Variants in PID1 observed in about 807,000 individuals in gnomAD.
The protein encoded by PID1 is PTB-containing, cubilin and LRP1-interacting protein.
In PID1, 10 loss-of-function variants were observed where a neutral mutation model predicts 19.1. The observed-to-expected ratio is 0.52, with a 90% confidence interval of 0.32 to 0.89. The LOEUF (loss-of-function observed/expected upper bound fraction) is 0.89. Ranked by LOEUF, PID1 falls within the 40% of genes least tolerant of loss-of-function variation. PID1 has a pLI of 0.03. For synonymous variants in PID1, 130 were observed against 116.0 expected, an observed-to-expected ratio of 1.12 and a Z score of -0.78; for missense variants, 248 against 285.3, an observed-to-expected ratio of 0.87 and a Z score of 0.94.
In PID1 at chr2:229,197,713, T is replaced by C. The variant is rs79260148; in HGVS notation, c.31-41749A>G. ...TAAACCCTAACTGAGGTCAAAGCAA[T>C]ATAATCCCTCTTGCTTTTATTTCTG... On this transcript the variant is annotated intron_variant, in intron 1 of 2. Transcript: ENST00000392055. 3.2e-4 allele frequency among the ~76,000 whole-genome samples: 48 copies of C among 152,104 alleles called. No homozygotes were observed. In the East Asian group the frequency reaches 8.5e-3, roughly 27 times the overall value.
At chr2:229,252,901 G>C (rs962517443) in intron 1 of PID1, among the ~76,000 whole-genome samples, 2 of 152,298 alleles carry the variant, frequency 1.3e-5, no homozygotes, top group Middle Eastern at 3.4e-3. Flanking sequence ...GGTGGGGAAG[G>C]GGGTAGGGGG....
chr2:229,093,377 G>A (rs1045353967), intron 2 of PID1, among the ~76,000 whole-genome samples: 2 of 151,928 alleles, frequency 1.3e-5, no homozygotes, highest in African/African-American at 4.8e-5. Flanking sequence ...ACCTACCTCG[G>A]CCTCCCCAAG....
intron 2 of PID1, among the ~76,000 whole-genome samples, chr2:229,134,396 C>A (rs548044256): frequency 1.6e-5 from 1 of 63,702 alleles, no homozygotes. Context: ...CCTGTCACCA[C>A]TCCTGGCTTT....
intron 1 of PID1, among the ~76,000 whole-genome samples, chr2:229,212,146 G>A (rs538339100): frequency 6.6e-6 from 1 of 152,260 alleles, no homozygotes; most frequent in African/African-American, 2.4e-5. Flanking sequence ...TTTTTGGAGG[G>A]AGGGGATAGG....
At chr2:229,103,737 C>T (rs753744800) in intron 2 of PID1, among the ~76,000 whole-genome samples, 24 of 152,008 alleles carry the variant, frequency 1.6e-4, no homozygotes, top group East Asian at 1.9e-4. Context: ...CCACCATGCC[C>T]GGCTAATTGT....
At chr2:229,242,800 A>G (rs2106277456) in intron 1 of PID1, among the ~76,000 whole-genome samples, 1 of 152,234 alleles carries the variant, frequency 6.6e-6, no homozygotes, top group East Asian at 1.9e-4. Flanking sequence ...GTCCATGCTC[A>G]GTAACATCCT....
intron 2 of PID1, among the ~76,000 whole-genome samples, chr2:229,130,628 A>G (rs1458909989): frequency 6.6e-6 from 1 of 152,068 alleles, no homozygotes; most frequent in East Asian, 1.9e-4. Flanking sequence ...GGCTCGTCAA[A>G]GTTCTCAATC....
chr2:229,245,822 A>G (rs1311113625), intron 1 of PID1, among the ~76,000 whole-genome samples: 2 of 152,142 alleles, frequency 1.3e-5, no homozygotes, highest in African/African-American at 2.4e-5. Context: ...TAGGGCTAAA[A>G]CTTCCCTGAA....
chr2:229,041,242 A>G (rs1693764765), intron 2 of PID1, among the ~76,000 whole-genome samples: 1 of 152,208 alleles, frequency 6.6e-6, no homozygotes, highest in Admixed American at 6.6e-5. Flanking sequence ...GTCCTGGAAC[A>G]TCACGCTTTA....
At chr2:229,237,564 G>C (rs892331554) in intron 1 of PID1, among the ~76,000 whole-genome samples, 8 of 152,136 alleles carry the variant, frequency 5.3e-5, no homozygotes, top group Admixed American at 2.6e-4. Flanking sequence ...CTGTTCACTT[G>C]CTTCTAATTA....
chr2:229,030,087 C>A (rs1026873599), intron 2 of PID1, among the ~76,000 whole-genome samples: 2 of 152,088 alleles, frequency 1.3e-5, no homozygotes, highest in African/African-American at 4.8e-5. Flanking sequence ...AAAAAGGAAG[C>A]AAATTCTGAC....
chr2:229,244,340 C>T lies in PID1; in HGVS notation c.30+26674G>A, dbSNP rs543659516. ...AGAACCAAGTATCCCTGATTCTTAT[C>T]GTCATCCAAACAACTGCAACCAGCT... On this transcript the variant is annotated intron_variant, in intron 1 of 2. Transcript: ENST00000392055. Among the ~76,000 whole-genome samples, 10 of 152,172 alleles carry T rather than the reference C, an allele frequency of 6.6e-5. No individual in the cohort carries two copies. In the South Asian group the frequency reaches 1.0e-3, roughly 16 times the overall value.
At chr2:229,173,060 T>A (rs886604317) in intron 1 of PID1, among the ~76,000 whole-genome samples, 1 of 152,118 alleles carries the variant, frequency 6.6e-6, no homozygotes, top group East Asian at 1.9e-4. Context: ...CAGAAGACAC[T>A]ATTCAGCCCA....
intron 1 of PID1, among the ~76,000 whole-genome samples, chr2:229,220,470 CA>C (rs1243427109): frequency 1.3e-5 from 2 of 152,134 alleles, no homozygotes; most frequent in Non-Finnish European, 2.9e-5. Flanking sequence ...GTCAGGACTC[CA>C]ACGGCCCATG....
At chr2:229,047,189 A>G (rs982590114) in intron 2 of PID1, among the ~76,000 whole-genome samples, 2 of 152,198 alleles carry the variant, frequency 1.3e-5, no homozygotes, top group Non-Finnish European at 2.9e-5. Context: ...TGCCAAGGAT[A>G]CAGACCCTGC....
intron 1 of PID1, among the ~76,000 whole-genome samples, chr2:229,202,809 T>C (rs1691527179): frequency 6.6e-6 from 1 of 152,112 alleles, no homozygotes; most frequent in Non-Finnish European, 1.5e-5. Flanking sequence ...CATCACACTG[T>C]CTGTGAATTA....
At chr2:229,221,913 G>T (rs1379608475) in intron 1 of PID1, among the ~76,000 whole-genome samples, 1 of 152,034 alleles carries the variant, frequency 6.6e-6, no homozygotes, top group Non-Finnish European at 1.5e-5. Context: ...AAATGCCGGG[G>T]ATCCCCCCTC....
intron 2 of PID1, among the ~76,000 whole-genome samples, chr2:229,120,482 A>G (rs1695494599): frequency 6.6e-6 from 1 of 151,942 alleles, no homozygotes; most frequent in Admixed American, 6.6e-5. Context: ...GAGGCAGAGG[A>G]AGAAGAGGAG....
Position 229,083,436 on chromosome 2 carries a change from T to C in PID1, c.178-57328A>G, listed in dbSNP as rs144593668. Among the ~76,000 whole-genome samples the C allele has an allele frequency of 2.0e-3, 301 of 152,258 alleles. 1 individual carries two copies. Among genetic ancestry groups the C allele is most frequent in the African/African-American group, 6.5e-3 (270 of 41,544 alleles). ...TGTTACTAGCAAATAGGATGCTAAA[T>C]TAGACAGGGAAAAGGAGCCTCTGCC... On this transcript the variant is annotated intron_variant, in intron 2 of 2. Transcript: ENST00000392055.
Sources: gnomAD v4.1 joint callset for allele counts (sites outside exome capture counted in the v4.1 genomes callset) on GRCh38, gnomAD v4.1.1 for gene constraint, MANE v1.5 for transcripts, NCBI Gene and HGNC (gene_info 2026-07-23, HGNC 2026-07-21) for gene names.